The following NCKAP5 variants were observed in gnomAD, a reference collection of about 807,000 sequenced individuals.
The protein encoded by NCKAP5 is NCK associated protein 5, also known as nck-associated protein 5.
A neutral mutation model predicts 167.0 loss-of-function variants in NCKAP5; 92 were observed. The ratio of observed to expected loss-of-function variants is 0.55; its 90% CI spans 0.47 to 0.66. The LOEUF is 0.66. NCKAP5 is among the 30% of genes least tolerant of loss of function. The probability of loss-of-function intolerance (pLI) is 0.00; values close to 1 mark genes in which losing one functional copy is unlikely to be tolerated. For missense variants in NCKAP5, 2,378 were observed against 2,315.0 expected, an observed-to-expected ratio of 1.03 and a Z score of -0.56; for synonymous variants, 891 against 877.4, an observed-to-expected ratio of 1.02 and a Z score of -0.27.
chr2:133,137,285 T>G (rs2082821941), intron 5 of NCKAP5, among the ~76,000 whole-genome samples: 1 of 152,068 alleles, frequency 6.6e-6, no homozygotes, highest in African/African-American at 2.4e-5. Flanking sequence ...AACAGAAGAA[T>G]CAGAATCAGA....
rs555773028 is a variant in NCKAP5, at chr2:132,936,395, A to G, written c.579+27325T>C. On this transcript the variant is annotated intron_variant, in intron 8 of 19. Coordinates refer to ENST00000409261, the MANE Select transcript of NCKAP5 (RefSeq NM_207363.3). The stretch of plus-strand genomic sequence containing the variant: ...GGTACATTTCCTGAATGAGTGAAAT[A>G]CTCTGTAGTGAGACATTAACATTTT... Among the ~76,000 whole-genome samples, 7 of 152,310 alleles carry G rather than the reference A, an allele frequency of 4.6e-5. No individual in the cohort carries two copies. In the East Asian group the frequency reaches 1.3e-3, roughly 29 times the overall value.
At chr2:133,033,847 C>A (rs531012575) in intron 6 of NCKAP5, among the ~76,000 whole-genome samples, 1 of 151,864 alleles carries the variant, frequency 6.6e-6, no homozygotes, top group South Asian at 2.1e-4. Flanking sequence ...AATAAAAAAA[C>A]AATGAACCAG....
chr2:132,775,295 G>A (rs1280898795), intron 15 of NCKAP5, among the ~76,000 whole-genome samples: 1 of 152,146 alleles, frequency 6.6e-6, no homozygotes, highest in Non-Finnish European at 1.5e-5. Context: ...AATGGAATAA[G>A]ACCAATTATT....
chr2:132,951,050 G>C (rs2076171402), intron 8 of NCKAP5, among the ~76,000 whole-genome samples: 1 of 152,194 alleles, frequency 6.6e-6, no homozygotes, highest in Admixed American at 6.5e-5. Context: ...ATTTCCAACT[G>C]CTCATGTTCC....
intron 3 of NCKAP5, among the ~76,000 whole-genome samples, chr2:133,439,071 C>G (rs1690671409): frequency 6.6e-6 from 1 of 152,120 alleles, no homozygotes; most frequent in African/African-American, 2.4e-5. Context: ...ATATAGAATG[C>G]CTTTTATTCA....
chr2:132,987,299 T>G (rs1416145520), intron 7 of NCKAP5, among the ~76,000 whole-genome samples: 2 of 152,182 alleles, frequency 1.3e-5, no homozygotes, highest in African/African-American at 2.4e-5. Context: ...TGTTAAGAAT[T>G]ATAGTCTGTG....
At chr2:133,100,657 T>G (rs1280433202) in intron 6 of NCKAP5, among the ~76,000 whole-genome samples, 1 of 152,242 alleles carries the variant, frequency 6.6e-6, no homozygotes, top group African/African-American at 2.4e-5. Flanking sequence ...GTATCTCATT[T>G]AAACTCCATA....
At chr2:132,794,223 CATATATATATATATATATAT>C (rs1166750939) in intron 12 of NCKAP5, among the ~76,000 whole-genome samples, 9 of 21,178 alleles carry the variant, frequency 4.2e-4, no homozygotes, top group East Asian at 1.8e-3. Context: ...AATGTTTATA[CATATATATATATATATATAT>C]ATATATATAT....
At chr2:132,912,852 G>T (rs1170393110) in intron 8 of NCKAP5, among the ~76,000 whole-genome samples, 1 of 152,064 alleles carries the variant, frequency 6.6e-6, no homozygotes, top group Non-Finnish European at 1.5e-5. Flanking sequence ...TGTATAGTCT[G>T]GTTCTAGTGT....
intron 8 of NCKAP5, among the ~76,000 whole-genome samples, chr2:132,932,810 C>A (rs1696496308): frequency 6.6e-6 from 1 of 152,076 alleles, no homozygotes; most frequent in Admixed American, 6.5e-5. Context: ...TCTTAGTTCC[C>A]ATCTGGGGGC....
chr2:133,471,507 T>C (rs1679308426), intron 3 of NCKAP5, among the ~76,000 whole-genome samples: 1 of 151,950 alleles, frequency 6.6e-6, no homozygotes, highest in South Asian at 2.1e-4. Context: ...TAGGTTTTCA[T>C]ATCAGGGGGA....
chr2:132,989,315 T>C (rs2077386068), intron 7 of NCKAP5, among the ~76,000 whole-genome samples: 1 of 152,320 alleles, frequency 6.6e-6, no homozygotes, highest in Middle Eastern at 3.4e-3. Context: ...AATTTTTTTC[T>C]AACATAAGTT....
chr2:133,583,341 G>A, the NCKAP5 span, among the ~76,000 whole-genome samples: 2 of 152,084 alleles, frequency 1.3e-5, no homozygotes, highest in Admixed American at 6.6e-5. Context: ...ATGAGATCTA[G>A]TTGTTTAAAA....
chr2:133,513,400 T>C (rs1230427762), intron 3 of NCKAP5, among the ~76,000 whole-genome samples: 2 of 152,106 alleles, frequency 1.3e-5, no homozygotes, highest in Admixed American at 6.5e-5. Context: ...AGGAGACAAG[T>C]AGGACCTCTT....
chr2:132,742,959 T>C (rs1280426050), intron 16 of NCKAP5, among the ~76,000 whole-genome samples: 1 of 151,774 alleles, frequency 6.6e-6, no homozygotes, highest in Non-Finnish European at 1.5e-5. Context: ...AGGAAGATAA[T>C]AAAAGAAGTA....
chr2:133,215,311 T>C (rs145755172), intron 4 of NCKAP5, among the ~76,000 whole-genome samples: 1 of 152,316 alleles, frequency 6.6e-6, no homozygotes, highest in East Asian at 1.9e-4. Context: ...AGGATATGAA[T>C]GAATTCTGTT....
chr2:133,492,673 GAT>G (rs1441039448), intron 3 of NCKAP5, among the ~76,000 whole-genome samples: 3 of 152,208 alleles, frequency 2.0e-5, no homozygotes, highest in African/African-American at 7.2e-5. Context: ...AGGGATGTTA[GAT>G]ATATAACCTG....
chr2:133,202,952 C>G (rs2085767027), intron 5 of NCKAP5, among the ~76,000 whole-genome samples: 1 of 152,092 alleles, frequency 6.6e-6, no homozygotes, highest in African/African-American at 2.4e-5. Flanking sequence ...GGACTGTAAA[C>G]TAGTTCAACC....
chr2:133,476,068 T>C (rs760423360), intron 3 of NCKAP5, among the ~76,000 whole-genome samples: 3 of 152,232 alleles, frequency 2.0e-5, no homozygotes, highest in Non-Finnish European at 2.9e-5. Flanking sequence ...GTCTCTTTTT[T>C]ATTCCTGAAG....
Sources: allele counts gnomAD v4.1 joint callset (sites outside exome capture counted in the v4.1 genomes callset), GRCh38; gene constraint gnomAD v4.1.1; transcripts MANE v1.5; gene names NCBI Gene and HGNC (gene_info 2026-07-23, HGNC 2026-07-21).